The following DNM3 variants were observed in gnomAD, a reference collection of about 807,000 sequenced individuals.
The protein encoded by DNM3 is dynamin-3.
Under a neutral mutation model 101.6 loss-of-function variants are expected in DNM3, and 47 were observed. The observed-to-expected ratio is 0.46, with a 90% CI of 0.37 to 0.59. The LOEUF (loss-of-function observed/expected upper bound fraction) is 0.59. Among genes scored for constraint, DNM3 ranks in the 20% least tolerant of loss-of-function variants. DNM3 has a pLI of 0.00. For missense variants in DNM3, 849 were observed against 1,085.7 expected (o/e 0.78, Z 3.06); for synonymous variants, 385 against 387.9 (o/e 0.99, Z 0.09).
intron 17 of DNM3, among the ~76,000 whole-genome samples, chr1:172,341,683 AG>A (rs915897614): frequency 2.0e-5 from 3 of 152,208 alleles, no homozygotes; most frequent in Non-Finnish European, 4.4e-5. Context: ...AGCTATATGC[AG>A]AAGATTGAAA....
intron 14 of DNM3, among the ~76,000 whole-genome samples, chr1:172,145,063 T>TAA (rs535387676): frequency 1.4e-4 from 21 of 147,202 alleles, no homozygotes; most frequent in African/African-American, 4.5e-4. Context: ...GGAAAAGCTG[T>TAA]AAAAAAAAAA....
At chr1:172,325,193 A>T (rs1257697497) in intron 17 of DNM3, among the ~76,000 whole-genome samples, 2 of 152,192 alleles carry the variant, frequency 1.3e-5, no homozygotes, top group East Asian at 1.9e-4. Flanking sequence ...TCAAAAATTT[A>T]AAATTACGGC....
At chr1:172,317,580 A>G in intron 16 of DNM3, among the ~76,000 whole-genome samples, 1 of 152,182 alleles carries the variant, frequency 6.6e-6, no homozygotes, top group South Asian at 2.1e-4. Flanking sequence ...CCACAGAAAT[A>G]CAAACTACCA....
At chr1:172,264,225 A>C (rs1024424550) in intron 15 of DNM3, among the ~76,000 whole-genome samples, 3 of 152,252 alleles carry the variant, frequency 2.0e-5, no homozygotes, top group Non-Finnish European at 4.4e-5. Context: ...TCTGATGAGA[A>C]GAAGCTAATT....
At chr1:172,402,227 C>T (rs1336007905) in intron 20 of DNM3, among the ~76,000 whole-genome samples, 1 of 151,998 alleles carries the variant, frequency 6.6e-6, no homozygotes, top group Non-Finnish European at 1.5e-5. Flanking sequence ...AGAAGTAAAG[C>T]ATTTCAATTC....
intron 20 of DNM3, among the ~76,000 whole-genome samples, chr1:172,391,208 G>T (rs1236459773): frequency 1.3e-5 from 2 of 152,176 alleles, no homozygotes; most frequent in East Asian, 3.8e-4. Flanking sequence ...ATCTGGCCAT[G>T]CAAAGAGTCC....
chr1:172,258,326 A>G (rs1290841520), intron 15 of DNM3, among the ~76,000 whole-genome samples: 2 of 151,988 alleles, frequency 1.3e-5, no homozygotes, highest in Non-Finnish European at 1.5e-5. Flanking sequence ...TAGTTTTAGT[A>G]TTTTTAGAAA....
Position 172,320,745 on chromosome 1 carries a change from C to T in DNM3, c.1882-2584C>T, listed in dbSNP as rs74124050. Among the ~76,000 whole-genome samples, 1,069 of 152,200 alleles carry T rather than the reference C, an allele frequency of 7.0e-3. 9 individuals carry two copies. Among genetic ancestry groups the T allele is most frequent in the African/African-American group, 0.024 (1,012 of 41,508 alleles). On this transcript the variant is annotated intron_variant, in intron 16 of 20. Coordinates refer to ENST00000627582, the MANE Select transcript of DNM3 (RefSeq NM_015569.5). ...GTTATTTAAAGGGAGATCTGATGCACTCTGGGGGGATAGGCCAGCCTCCAT... is the reference window on the plus strand; with the variant it reads ...GTTATTTAAAGGGAGATCTGATGCATTCTGGGGGGATAGGCCAGCCTCCAT...
chr1:171,844,106 T>C (rs1367026725), intron 1 of DNM3, among the ~76,000 whole-genome samples: 1 of 152,240 alleles, frequency 6.6e-6, no homozygotes, highest in Admixed American at 6.5e-5. Context: ...CATTGAATTA[T>C]TGAGGAATCT....
intron 10 of DNM3, among the ~76,000 whole-genome samples, chr1:172,059,368 C>G (rs1253107417): frequency 7.9e-6 from 1 of 126,446 alleles, no homozygotes; most frequent in African/African-American, 3.1e-5. Flanking sequence ...ATTCTGATAC[C>G]AAAGCCTGGC....
At chr1:172,074,303 CATT>C (rs1056322210) in intron 11 of DNM3, among the ~76,000 whole-genome samples, 5 of 151,672 alleles carry the variant, frequency 3.3e-5, no homozygotes, top group African/African-American at 9.7e-5. Context: ...AAAGATCTGA[CATT>C]ATTATTATTA....
At chr1:171,936,027 T>C (rs2041393003) in intron 2 of DNM3, among the ~76,000 whole-genome samples, 1 of 151,970 alleles carries the variant, frequency 6.6e-6, no homozygotes, top group Non-Finnish European at 1.5e-5. Context: ...GTTTTTTTTT[T>C]TTAAGACACC....
chr1:171,878,315 C>T (rs1049797393), intron 1 of DNM3, among the ~76,000 whole-genome samples: 1 of 151,784 alleles, frequency 6.6e-6, no homozygotes, highest in African/African-American at 2.4e-5. Flanking sequence ...TGTTGTATCT[C>T]TCCATGGCAG....
intron 14 of DNM3, among the ~76,000 whole-genome samples, chr1:172,149,145 G>A (rs1020054690): frequency 1.3e-5 from 2 of 152,108 alleles, no homozygotes; most frequent in South Asian, 2.1e-4. Flanking sequence ...ATTTACGGAC[G>A]CATGTTTTGT....
chr1:172,132,456 G>A (rs2056991454), intron 14 of DNM3, among the ~76,000 whole-genome samples: 3 of 152,180 alleles, frequency 2.0e-5, no homozygotes, highest in African/African-American at 7.2e-5. Flanking sequence ...AGGGTTAGCA[G>A]TGGTTTCTTT....
intron 14 of DNM3, among the ~76,000 whole-genome samples, chr1:172,155,625 A>G (rs2058307852): frequency 6.6e-6 from 1 of 152,050 alleles, no homozygotes; most frequent in Non-Finnish European, 1.5e-5. Flanking sequence ...GTGAGATGTA[A>G]AAGTAAACAT....
rs573759755 is a variant in DNM3 at position 172,151,861 on chromosome 1, G to T, written c.1659+20573G>T. 5.3e-5 allele frequency among the ~76,000 whole-genome samples: 8 copies of T among 152,096 alleles called. No individual in the cohort carries two copies. The South Asian group carries it at 1.7e-3, about 32-fold the overall frequency. Reference sequence around the variant, plus strand: ...TTTCTGAAGAGAGGAAAACAGTGAGGATAAGTGGTATAAAAGGAGTCTTTG... The same window carrying T: ...TTTCTGAAGAGAGGAAAACAGTGAGTATAAGTGGTATAAAAGGAGTCTTTG... On this transcript the variant is annotated intron_variant, in intron 14 of 20. Coordinates refer to ENST00000627582, the MANE Select transcript of DNM3 (RefSeq NM_015569.5).
intron 17 of DNM3, among the ~76,000 whole-genome samples, chr1:172,328,765 T>C (rs1284171077): frequency 1.3e-5 from 2 of 152,094 alleles, no homozygotes; most frequent in Non-Finnish European, 2.9e-5. Context: ...ATAACAAACC[T>C]GCATATCTAC....
intron 15 of DNM3, among the ~76,000 whole-genome samples, chr1:172,267,618 G>A (rs1043113071): frequency 4.6e-5 from 7 of 151,040 alleles, no homozygotes; most frequent in African/African-American, 7.3e-5. Flanking sequence ...TAATCTTAAC[G>A]TTTATTATTC....
Sources: gnomAD v4.1 joint callset for allele counts (sites outside exome capture counted in the v4.1 genomes callset) on GRCh38, gnomAD v4.1.1 for gene constraint, MANE v1.5 for transcripts, NCBI Gene and HGNC (gene_info 2026-07-23, HGNC 2026-07-21) for gene names.